DCC: variants seen among roughly 807,000 people sequenced by gnomAD.
DCC encodes the protein netrin receptor DCC.
In DCC, 58 loss-of-function variants were observed where a neutral mutation model predicts 172.5. The ratio of observed to expected loss-of-function variants is 0.34; its 90% CI spans 0.27 to 0.42. The LOEUF (loss-of-function observed/expected upper bound fraction) is 0.42. Among genes scored for constraint, DCC ranks in the 10% least tolerant of loss-of-function variants. The pLI, the probability that DCC is intolerant of heterozygous loss-of-function variation, is 1.00. For missense variants in DCC, 1,740 were observed against 1,791.0 expected (o/e 0.97, Z 0.51); for synonymous variants, 709 against 644.5 (o/e 1.10, Z -1.52).
chr18:53,010,212 T>C (rs745785689), intron 5 of DCC, among the ~76,000 whole-genome samples: 36 of 151,954 alleles, frequency 2.4e-4, no homozygotes, highest in Non-Finnish European at 4.1e-4. Flanking sequence ...GTTGTCATGA[T>C]TGAAAATACT....
intron 15 of DCC, among the ~76,000 whole-genome samples, 168 bp downstream of exon 15, chr18:53,340,075 C>CAT (rs1491396873): frequency 8.0e-6 from 1 of 124,930 alleles, no homozygotes; most frequent in Non-Finnish European, 1.8e-5. Flanking sequence ...CACACACACA[C>CAT]ATACACACAC....
At chr18:52,966,203 G>C (rs1048248642) in intron 5 of DCC, among the ~76,000 whole-genome samples, 1 of 152,138 alleles carries the variant, frequency 6.6e-6, no homozygotes, top group Non-Finnish European at 1.5e-5. Flanking sequence ...TGTTTGAGCA[G>C]GGGGTTATGG....
chr18:52,984,313 C>G (rs1410777933), intron 5 of DCC, among the ~76,000 whole-genome samples: 1 of 152,050 alleles, frequency 6.6e-6, no homozygotes, highest in Non-Finnish European at 1.5e-5. Flanking sequence ...GTGGAAGTCC[C>G]TCCAAAGAGT....
chr18:53,108,617 TTC>T (rs2043284607), intron 7 of DCC, among the ~76,000 whole-genome samples: 1 of 151,808 alleles, frequency 6.6e-6, no homozygotes, highest in South Asian at 2.1e-4. Context: ...AGAGTTGTAC[TTC>T]CCAAGCACCC....
At chr18:52,939,320 A>C (rs1016419417) in intron 5 of DCC, among the ~76,000 whole-genome samples, 8 of 152,200 alleles carry the variant, frequency 5.3e-5, no homozygotes, top group African/African-American at 7.2e-5. Flanking sequence ...GTCCTTGTCC[A>C]TTCTGATTAA....
chr18:52,508,830 A>C (rs750396940), intron 1 of DCC, among the ~76,000 whole-genome samples: 19 of 152,334 alleles, frequency 1.2e-4, no homozygotes, highest in South Asian at 6.2e-4. Flanking sequence ...CACAATTTAC[A>C]GATGAAAAAA....
chr18:53,297,511 G>A (rs1182913500), intron 12 of DCC, among the ~76,000 whole-genome samples: 2 of 152,184 alleles, frequency 1.3e-5, no homozygotes, highest in Non-Finnish European at 2.9e-5. Flanking sequence ...CAAAAGTCAA[G>A]TCACAGCTAC....
chr18:52,776,788 T>C (rs1397690653), intron 2 of DCC, among the ~76,000 whole-genome samples: 2 of 152,240 alleles, frequency 1.3e-5, no homozygotes, highest in Middle Eastern at 3.2e-3. Context: ...ACAATGTTCC[T>C]TATTACTTTG....
At chr18:53,310,910 C>A (rs540184848) in intron 13 of DCC, among the ~76,000 whole-genome samples, 42 of 151,586 alleles carry the variant, frequency 2.8e-4, no homozygotes, top group African/African-American at 1.0e-3. Context: ...CTTTCAACAA[C>A]TGAATTTTTT....
At chr18:53,527,840 C>T (rs565726233) in intron 28 of DCC, among the ~76,000 whole-genome samples, 65 of 152,024 alleles carry the variant, frequency 4.3e-4, no homozygotes, top group Non-Finnish European at 8.4e-4. Context: ...AAGGAATTAA[C>T]ATATCAGATA....
chr18:52,851,872 C>G (rs779303771), intron 2 of DCC, among the ~76,000 whole-genome samples: 1 of 152,080 alleles, frequency 6.6e-6, no homozygotes, highest in Admixed American at 6.6e-5. Flanking sequence ...CAATTATGAT[C>G]TTACCAGTGG....
chr18:53,203,618 C>T (rs1417337893), intron 9 of DCC, among the ~76,000 whole-genome samples: 1 of 152,102 alleles, frequency 6.6e-6, no homozygotes, highest in Admixed American at 6.5e-5. Flanking sequence ...TGCAGAGTTA[C>T]GCTGTTAGGT....
At chr18:53,230,990 G>GTT (rs11438211) in intron 12 of DCC, among the ~76,000 whole-genome samples, 134 of 150,694 alleles carry the variant, frequency 8.9e-4, no homozygotes, top group African/African-American at 3.0e-3. Context: ...TAAAATTGGT[G>GTT]TTTTTTTTTC....
At chr18:52,395,891 C>T (rs935012435) in intron 1 of DCC, among the ~76,000 whole-genome samples, 1 of 151,998 alleles carries the variant, frequency 6.6e-6, no homozygotes, top group Non-Finnish European at 1.5e-5. Context: ...ATTCCACAAC[C>T]CAGAGCTCTC....
At chr18:53,499,727 G>A (rs1237204770) in intron 27 of DCC, among the ~76,000 whole-genome samples, 1 of 152,036 alleles carries the variant, frequency 6.6e-6, no homozygotes. Context: ...CATCCCTTTG[G>A]AAAGTTGTCC....
intron 14 of DCC, among the ~76,000 whole-genome samples, chr18:53,329,558 T>C (rs991012884): frequency 1.3e-5 from 2 of 151,994 alleles, no homozygotes; most frequent in Admixed American, 1.3e-4. Flanking sequence ...TGTAAACAAA[T>C]GTATATCATA....
chr18:53,519,732 T>A (rs1367916576), intron 27 of DCC, among the ~76,000 whole-genome samples: 12 of 151,410 alleles, frequency 7.9e-5, no homozygotes, highest in African/African-American at 2.9e-4. Flanking sequence ...TTAGGCCAAT[T>A]GTCAGTGTTA....
At chr18:52,951,093 A>C (rs1028030750) in intron 5 of DCC, among the ~76,000 whole-genome samples, 2 of 151,974 alleles carry the variant, frequency 1.3e-5, no homozygotes, top group African/African-American at 4.8e-5. Context: ...CATTGCCAGC[A>C]AGCTAGAAGC....
Position 52,406,666 on chromosome 18 carries a change from GTC to G in DCC, c.91+65794_91+65795del, listed in dbSNP as rs1380057042. The stretch of plus-strand genomic sequence containing the variant: ...CTAGCTAATCCTTTTACTTCTTACT[GTC>G]TCTCTGTTACAACTTGTATGTTTGT... On this transcript the variant is annotated intron_variant, in intron 1 of 28. Transcript: ENST00000442544. Among the ~76,000 whole-genome samples, 7 of 152,060 alleles carry G rather than the reference GTC, an allele frequency of 4.6e-5. No homozygotes were observed. In the East Asian group the frequency reaches 1.4e-3, roughly 30 times the overall value.
Sources: allele counts gnomAD v4.1 joint callset (sites outside exome capture counted in the v4.1 genomes callset), GRCh38; gene constraint gnomAD v4.1.1; transcripts MANE v1.5; gene names NCBI Gene and HGNC (gene_info 2026-07-23, HGNC 2026-07-21).